The following VPS45 variants were observed in gnomAD, a reference collection of about 807,000 sequenced individuals.
VPS45 encodes the protein vacuolar protein sorting 45 homolog.
In VPS45, 35 loss-of-function variants were observed where a neutral mutation model predicts 75.9. That is an observed-to-expected ratio of 0.46 (90% CI 0.35 to 0.61). The LOEUF (loss-of-function observed/expected upper bound fraction) is 0.61, where lower values mean the gene tolerates loss of function less well. VPS45 is among the 20% of genes least tolerant of loss of function. The pLI is 0.00. For synonymous variants in VPS45, 220 were observed against 238.2 expected, an observed-to-expected ratio of 0.92 and a Z score of 0.70; for missense variants, 559 against 685.9, an observed-to-expected ratio of 0.81 and a Z score of 2.07.
chr1:150,095,606 C>A (rs1258260066), intron 13 of VPS45, among the ~76,000 whole-genome samples: 1 of 54,292 alleles, frequency 1.8e-5, no homozygotes, highest in Non-Finnish European at 3.6e-5. Context: ...CAGAGTGAGA[C>A]CCCATCTCAA....
intron 14 of VPS45, among the ~76,000 whole-genome samples, 186 bp downstream of exon 14, chr1:150,110,813 T>A (rs1657610900): frequency 6.6e-6 from 1 of 152,252 alleles, no homozygotes; most frequent in Non-Finnish European, 1.5e-5. Context: ...GTTAAGTTCG[T>A]TAAGTTCATA....
intron 14 of VPS45, among the ~76,000 whole-genome samples, chr1:150,119,352 G>T (rs1559934442): frequency 1.3e-5 from 2 of 152,158 alleles, no homozygotes; most frequent in African/African-American, 4.8e-5. Context: ...ATATGGAGGA[G>T]AAAACATTGA....
At chr1:150,082,672 T>C (rs1420898483) in intron 9 of VPS45, 44 bp from the exon 10 acceptor site, 23 of 1,589,544 alleles carry the variant, frequency 1.4e-5, no homozygotes, top group Non-Finnish European at 2.0e-5. Context: ...TTATCCTCAG[T>C]CAAAAAATAA....
At chr1:150,121,401 A>G (rs371009294) in intron 14 of VPS45, among the ~76,000 whole-genome samples, 2 of 152,192 alleles carry the variant, frequency 1.3e-5, no homozygotes, top group Non-Finnish European at 1.5e-5. Flanking sequence ...ACCTGAACAC[A>G]TGCTGTCCTA....
In VPS45 at chr1:150,076,977, G is replaced by C. The variant is rs1391635361; in HGVS notation, c.431G>C (p.Cys144Ser). The C allele has an allele frequency of 1.2e-6, 2 of 1,614,034 alleles. No homozygotes were observed. The highest frequency in any genetic ancestry group is 3.3e-5 in the Admixed American group (2 of 60,008). Residue 144 changes from cysteine to serine, a missense_variant, in exon 5 of 15, where the codon TGC becomes TCC. Coordinates refer to ENST00000644510, the MANE Select transcript of VPS45 (RefSeq NM_007259.5). ...PHLFSLNILG[C>S]CQGRNWDPAQ... Reference sequence around the variant, plus strand: ...TTGTTTTCCCTCAATATTTTGGGTTGCTGCCAGGTATGGAAGGAAAGGTTT... The same window carrying C: ...TTGTTTTCCCTCAATATTTTGGGTTCCTGCCAGGTATGGAAGGAAAGGTTT...
At chr1:150,079,821 A>G (rs1553798885) in intron 7 of VPS45, among the ~76,000 whole-genome samples, 1 of 152,252 alleles carries the variant, frequency 6.6e-6, no homozygotes, top group Admixed American at 6.5e-5. Flanking sequence ...TCTGTAGTAT[A>G]AAATAGCCTT....
chr1:150,136,439 C>CTT (rs1198690975), intron 14 of VPS45, among the ~76,000 whole-genome samples: 1 of 151,728 alleles, frequency 6.6e-6, no homozygotes, highest in Non-Finnish European at 1.5e-5. Context: ...CCTGTAATCC[C>CTT]AGCTATTGAG....
chr1:150,088,380 A>G (rs1437806744), intron 10 of VPS45, among the ~76,000 whole-genome samples: 2 of 148,384 alleles, frequency 1.3e-5, no homozygotes, highest in Non-Finnish European at 3.0e-5. Context: ...CCTCCAGGTT[A>G]ATCTGTTTTG....
intron 14 of VPS45, 121 bp from the exon 15 acceptor site, chr1:150,144,588 C>G: frequency 1.2e-6 from 1 of 815,460 alleles, no homozygotes; most frequent in South Asian, 1.8e-5. Context: ...AAATATCAGA[C>G]CAGTACCTCC....
At chr1:150,068,027 C>A in intron 1 of VPS45, 77 bp downstream of exon 1, 2 of 1,399,446 alleles carry the variant, frequency 1.4e-6, no homozygotes, top group Non-Finnish European at 2.0e-6. Context: ...CACTGTAGGA[C>A]TTAGCATTTA....
chr1:150,113,431 A>G lies in VPS45; in HGVS notation c.1625+2804A>G, dbSNP rs587661147. Among the ~76,000 whole-genome samples, 28 of 152,332 alleles carry G rather than the reference A, an allele frequency of 1.8e-4. 1 individual carries two copies. The highest frequency in any genetic ancestry group is 1.4e-3 in the Admixed American group (21 of 15,294). ...ACATTGCAAAGTGAATATATCTATGAGATGACCTCTGAGTGTAATGATCAA... is the reference window on the plus strand; with the variant it reads ...ACATTGCAAAGTGAATATATCTATGGGATGACCTCTGAGTGTAATGATCAA... On this transcript the variant is annotated intron_variant, in intron 14 of 14. Transcript: ENST00000644510.
intron 14 of VPS45, among the ~76,000 whole-genome samples, chr1:150,133,826 T>A (rs1658944788): frequency 6.6e-6 from 1 of 152,224 alleles, no homozygotes; most frequent in African/African-American, 2.4e-5. Flanking sequence ...TTTTTAACCC[T>A]GTGGACGATG....
At chr1:150,083,623 T>C (rs1655844414) in intron 10 of VPS45, among the ~76,000 whole-genome samples, 1 of 150,730 alleles carries the variant, frequency 6.6e-6, no homozygotes, top group Non-Finnish European at 1.5e-5. Flanking sequence ...GCAGAGAGAA[T>C]GCAGGCATGA....
At chr1:150,116,565 A>G (rs1657942756) in intron 14 of VPS45, among the ~76,000 whole-genome samples, 1 of 152,162 alleles carries the variant, frequency 6.6e-6, no homozygotes, top group South Asian at 2.1e-4. Flanking sequence ...GCTTTTAACC[A>G]CTATGCATTT....
At chr1:150,126,492 C>T (rs1559939813) in intron 14 of VPS45, among the ~76,000 whole-genome samples, 3 of 151,272 alleles carry the variant, frequency 2.0e-5, no homozygotes, top group African/African-American at 7.3e-5. Flanking sequence ...GGATTACAGG[C>T]GTGAGCCACC....
chr1:150,081,760 T>A, intron 8 of VPS45, 124 bp from the exon 9 acceptor site: 1 of 684,986 alleles, frequency 1.5e-6, no homozygotes, highest in East Asian at 2.8e-5. Flanking sequence ...ATGTCCAAAT[T>A]TGGTAATTAA....
intron 13 of VPS45, among the ~76,000 whole-genome samples, chr1:150,099,725 C>T (rs587594295): frequency 4.8e-5 from 7 of 146,718 alleles, no homozygotes; most frequent in East Asian, 2.1e-4. Context: ...CCCGGCTACA[C>T]GGGAGGCTGA....
chr1:150,089,141 C>G (rs1489551499), intron 10 of VPS45, among the ~76,000 whole-genome samples: 1 of 152,114 alleles, frequency 6.6e-6, no homozygotes, highest in African/African-American at 2.4e-5. Flanking sequence ...AGGGCAGAGA[C>G]TGATTACTGC....
chr1:150,098,102 G>A (rs968317975), intron 13 of VPS45, among the ~76,000 whole-genome samples: 1 of 152,192 alleles, frequency 6.6e-6, no homozygotes, highest in Non-Finnish European at 1.5e-5. Context: ...GCCTGCCTCA[G>A]CCTCCCAAAG....
Sources: allele counts gnomAD v4.1 joint callset (sites outside exome capture counted in the v4.1 genomes callset), GRCh38; gene constraint gnomAD v4.1.1; transcripts MANE v1.5; gene names NCBI Gene and HGNC (gene_info 2026-07-23, HGNC 2026-07-21).